The following TERB1 variants were observed in gnomAD, a reference collection of about 807,000 sequenced individuals.
The protein encoded by TERB1 is telomere repeat binding bouquet formation protein 1, also known as telomere repeats-binding bouquet formation protein 1.
A neutral mutation model predicts 92.3 loss-of-function variants in TERB1; 63 were observed. The ratio of observed to expected loss-of-function variants is 0.68; its 90% confidence interval spans 0.56 to 0.84. The LOEUF (loss-of-function observed/expected upper bound fraction) is 0.84. Ranked by LOEUF, TERB1 falls within the 40% of genes least tolerant of loss-of-function variation. The probability of loss-of-function intolerance (pLI) is 0.00; values close to 1 mark genes in which losing one functional copy is unlikely to be tolerated. For missense variants in TERB1, 709 were observed against 843.7 expected (o/e 0.84, Z 1.98); for synonymous variants, 252 against 283.9 (o/e 0.89, Z 1.13).
intron 16 of TERB1, among the ~76,000 whole-genome samples, chr16:66,760,242 C>G (rs1290066637): frequency 7.2e-6 from 1 of 139,246 alleles, no homozygotes; most frequent in African/African-American, 2.7e-5. Context: ...GGGCTGATCA[C>G]AAGGTCAGGA....
chr16:66,787,066 G>A (rs1419733739), intron 6 of TERB1, among the ~76,000 whole-genome samples: 1 of 152,114 alleles, frequency 6.6e-6, no homozygotes, highest in Non-Finnish European at 1.5e-5. Flanking sequence ...CCCAAGTGCT[G>A]GGGTTACAGA....
At chr16:66,773,276 G>A (rs2018485697) in intron 12 of TERB1, among the ~76,000 whole-genome samples, 1 of 152,164 alleles carries the variant, frequency 6.6e-6, no homozygotes, top group Non-Finnish European at 1.5e-5. Context: ...ACAAGCTGCA[G>A]TGAACAGAGA....
At chr16:66,784,663 C>T (rs2018693192) in intron 9 of TERB1, among the ~76,000 whole-genome samples, 1 of 151,396 alleles carries the variant, frequency 6.6e-6, no homozygotes, top group Non-Finnish European at 1.5e-5. Context: ...TGAGACCTTT[C>T]TTCTTTTCTT....
chr16:66,758,591 A>C (rs2018174895), intron 18 of TERB1, 182 bp downstream of exon 18: 4 of 482,082 alleles, frequency 8.3e-6, no homozygotes, highest in African/African-American at 4.1e-5. Flanking sequence ...AAATACAAAA[A>C]CCAGCAGGGT....
At chr16:66,758,587 A>G in intron 18 of TERB1, 186 bp downstream of exon 18, 1 of 471,534 alleles carries the variant, frequency 2.1e-6, no homozygotes. Context: ...CTAAAAATAC[A>G]AAAACCAGCA....
intron 15 of TERB1, 31 bp downstream of exon 15, chr16:66,768,073 T>A (rs974683743): frequency 1.7e-5 from 26 of 1,512,044 alleles, no homozygotes; most frequent in Non-Finnish European, 2.2e-5. Flanking sequence ...TCTGTTTTAT[T>A]AAAAAACCAA....
At chr16:66,762,069 A>G (rs1313676661) in intron 16 of TERB1, among the ~76,000 whole-genome samples, 2 of 152,220 alleles carry the variant, frequency 1.3e-5, no homozygotes, top group Admixed American at 1.3e-4. Context: ...AGAAAAAGGA[A>G]TATCTAGTTT....
intron 2 of TERB1, among the ~76,000 whole-genome samples, chr16:66,799,249 A>G (rs1236261006): frequency 2.0e-5 from 3 of 151,908 alleles, no homozygotes; most frequent in Non-Finnish European, 4.4e-5. Context: ...TTTTCTTTGG[A>G]TGGAGTCTCA....
In TERB1 at chr16:66,770,038, T is replaced by C; in HGVS notation, c.1544A>G (p.Tyr515Cys). The C allele has an allele frequency of 6.4e-7, 1 of 1,551,814 alleles. No individual in the cohort carries two copies. Among genetic ancestry groups the C allele is most frequent in the African/African-American group, 1.4e-5 (1 of 73,190 alleles). Residue 515 changes from tyrosine to cysteine, a missense_variant, in exon 14 of 19, where the codon TAT (tyrosine) becomes TGT (cysteine). Tyr to Cys is a radical substitution (Grantham distance 194). Coordinates refer to ENST00000433154, the MANE Select transcript of TERB1 (RefSeq NM_001136505.2). ...TTGATTGCAGCTTGACTTGGCTTTATATAAAGTCTTATTTTGCTCACTCTC... is the reference window on the plus strand; with the variant it reads ...TTGATTGCAGCTTGACTTGGCTTTACATAAAGTCTTATTTTGCTCACTCTC... ...YRESEQNKTL[Y>C]KAKSSCNQNL...
chr16:66,776,474 C>A (rs2018550882), intron 11 of TERB1, among the ~76,000 whole-genome samples: 1 of 152,002 alleles, frequency 6.6e-6, no homozygotes, highest in Non-Finnish European at 1.5e-5. Context: ...AGGGTATAAT[C>A]AATCCTAAAT....
At chr16:66,770,463 A>G (rs1423940716) in intron 13 of TERB1, among the ~76,000 whole-genome samples, 154 bp from the exon 14 acceptor site, 1 of 152,200 alleles carries the variant, frequency 6.6e-6, no homozygotes, top group Non-Finnish European at 1.5e-5. Context: ...AAGAAAAGGG[A>G]GTTTATTCAT....
chr16:66,788,236 AGAT>A lies in TERB1; in HGVS notation c.330_332del (p.Leu110_Ser111delinsPhe). ...TTTTCAAATTTATGTTTGAATCATT[AGAT>A]AAGAACCAAGTTAAGTCTTCAAACA... On this transcript the variant is annotated inframe_deletion, in exon 6 of 19. Coordinates refer to ENST00000433154, the MANE Select transcript of TERB1 (RefSeq NM_001136505.2). 6.6e-7 allele frequency: 1 copy of A among 1,513,178 alleles called. No individual in the cohort carries two copies. The highest frequency in any genetic ancestry group is 8.8e-7 in the Non-Finnish European group (1 of 1,130,396). 93.7% of individuals were successfully genotyped at this position (1,513,178 alleles called of 1,614,324 possible).
chr16:66,801,513 G>C lies in TERB1; in HGVS notation c.-155C>G, dbSNP rs751198704. ...GGCAGGACAACAACGCGCGGGAGCG[G>C]AGGCCGTGGCGTCTACCCTCAAGCG... On this transcript the variant is annotated 5_prime_UTR_variant, in exon 1 of 19. Transcript: ENST00000433154. 1 of 152,298 alleles carries C rather than the reference G, an allele frequency of 6.6e-6. No individual in the cohort carries two copies. The highest frequency in any genetic ancestry group is 1.5e-5 in the Non-Finnish European group (1 of 68,094). The allele number at this position is 152,298 out of a possible 1,614,324, so 9.4% of individuals were successfully genotyped here.
At chr16:66,798,217 T>C (rs1959210475) in intron 2 of TERB1, among the ~76,000 whole-genome samples, 1 of 151,496 alleles carries the variant, frequency 6.6e-6, no homozygotes, top group Non-Finnish European at 1.5e-5. Context: ...TCTCAATCTG[T>C]CACCCAGGCT....
intron 13 of TERB1, among the ~76,000 whole-genome samples, chr16:66,771,638 TACACACACAC>T (rs57620654): frequency 0.013 from 1,864 of 142,958 alleles, 16 homozygotes; most frequent in African/African-American, 0.018. Flanking sequence ...TGTTACAGAA[TACACACACAC>T]ACACACACAC....
At chr16:66,776,381 C>G (rs1398531006) in intron 11 of TERB1, among the ~76,000 whole-genome samples, 6 of 151,864 alleles carry the variant, frequency 4.0e-5, no homozygotes, top group Non-Finnish European at 2.9e-5. Flanking sequence ...CACAAAATAC[C>G]TGTCTCATAA....
chr16:66,770,556 A>C (rs2018430105), intron 13 of TERB1, among the ~76,000 whole-genome samples: 1 of 152,112 alleles, frequency 6.6e-6, no homozygotes, highest in Admixed American at 6.6e-5. Flanking sequence ...ATAAAGTCAA[A>C]ATGAACCAAA....
At chr16:66,796,045 G>C (rs983241320) in intron 3 of TERB1, among the ~76,000 whole-genome samples, 1 of 152,098 alleles carries the variant, frequency 6.6e-6, no homozygotes, top group Non-Finnish European at 1.5e-5. Flanking sequence ...CACCACACCC[G>C]GCTGATCATA....
chr16:66,775,109 T>C lies in TERB1; in HGVS notation c.1111+9A>G. The C allele has an allele frequency of 1.3e-6, 2 of 1,551,196 alleles. No homozygotes were observed. Among genetic ancestry groups the C allele is most frequent in the Non-Finnish European group, 1.7e-6 (2 of 1,146,826 alleles). ...GGTTGGTATGTTCTTAAAGTAATAG[T>C]ACACTTACTAATTTTTTTGCAGTTG... On this transcript the variant is annotated intron_variant, in intron 12 of 18. Transcript: ENST00000433154.
Sources: gnomAD v4.1 joint callset for allele counts (sites outside exome capture counted in the v4.1 genomes callset) on GRCh38, gnomAD v4.1.1 for gene constraint, MANE v1.5 for transcripts, NCBI Gene and HGNC (gene_info 2026-07-23, HGNC 2026-07-21) for gene names.